Variants in NCAPD3 observed in about 807,000 individuals in gnomAD.
The protein encoded by NCAPD3 is condensin-2 complex subunit D3.
A neutral mutation model predicts 182.9 loss-of-function variants in NCAPD3; 105 were observed. The ratio of observed to expected loss-of-function variants is 0.57; its 90% CI spans 0.49 to 0.68. The LOEUF (loss-of-function observed/expected upper bound fraction) is 0.68. Among genes scored for constraint, NCAPD3 ranks in the 30% least tolerant of loss-of-function variants. The pLI, the probability that NCAPD3 is intolerant of heterozygous loss-of-function variation, is 0.00. For synonymous variants in NCAPD3, 815 were observed against 679.9 expected, an observed-to-expected ratio of 1.20 and a Z score of -3.09; for missense variants, 1,944 against 1,837.0, an observed-to-expected ratio of 1.06 and a Z score of -1.07.
At chr11:134,211,077 TCA>T (rs771772727) in intron 3 of NCAPD3, among the ~76,000 whole-genome samples, 2 of 152,162 alleles carry the variant, frequency 1.3e-5, no homozygotes, top group African/African-American at 2.4e-5. Flanking sequence ...TTTTCACAAC[TCA>T]CACAAGGCTC....
chr11:134,180,126 T>C (rs1944262908), intron 20 of NCAPD3, among the ~76,000 whole-genome samples: 1 of 152,084 alleles, frequency 6.6e-6, no homozygotes, highest in Admixed American at 6.5e-5. Context: ...CTAGAAGCCC[T>C]GGGCCAAGCC....
At chr11:134,157,116 C>A in intron 31 of NCAPD3, 21 bp from the exon 32 acceptor site, 1 of 1,592,838 alleles carries the variant, frequency 6.3e-7, no homozygotes, top group Non-Finnish European at 8.6e-7. Flanking sequence ...AAAGGTGCTG[C>A]TATCCAGAAA....
intron 19 of NCAPD3, among the ~76,000 whole-genome samples, chr11:134,182,504 T>C (rs767284298): frequency 2.0e-5 from 3 of 152,230 alleles, no homozygotes; most frequent in Non-Finnish European, 4.4e-5. Flanking sequence ...TCCAGGCCCT[T>C]CTGCAGTTCC....
chr11:134,162,656 A>T (rs1334244448), intron 27 of NCAPD3, among the ~76,000 whole-genome samples: 1 of 152,236 alleles, frequency 6.6e-6, no homozygotes, highest in Admixed American at 6.5e-5. Context: ...AAGGACAACA[A>T]GTAGAGAAAT....
chr11:134,218,651 C>T (rs1352818921), intron 2 of NCAPD3, among the ~76,000 whole-genome samples: 1 of 152,144 alleles, frequency 6.6e-6, no homozygotes, highest in Non-Finnish European at 1.5e-5. Context: ...TCCCTATGCC[C>T]AGTCAGTTTA....
At chr11:134,167,337 C>G (rs1444276770) in intron 27 of NCAPD3, among the ~76,000 whole-genome samples, 13 of 49,390 alleles carry the variant, frequency 2.6e-4, no homozygotes, top group East Asian at 8.0e-4. Context: ...CTGGGGGAGG[C>G]GCACACTCGT....
At chr11:134,164,382 G>C (rs1055601231) in intron 27 of NCAPD3, among the ~76,000 whole-genome samples, 2 of 152,244 alleles carry the variant, frequency 1.3e-5, no homozygotes, top group African/African-American at 4.8e-5. Flanking sequence ...AGGGGGACCT[G>C]AGCTCAGGCT....
rs1471669439 is a variant in NCAPD3, at chr11:134,188,874, A to G, written c.2046-3348T>C. Among the ~76,000 whole-genome samples, 4 of 152,214 alleles carry G rather than the reference A, an allele frequency of 2.6e-5. No individual in the cohort carries two copies. The East Asian group carries it at 7.7e-4, about 29-fold the overall frequency. On this transcript the variant is annotated intron_variant, in intron 16 of 34. Coordinates refer to ENST00000534548, the MANE Select transcript of NCAPD3 (RefSeq NM_015261.3). ...TCCTTATAAGAAGAAATGCGGACAC[A>G]GAATGAGACACCAGGGATGTGCATG...
chr11:134,157,642 G>A (rs1460213318), intron 31 of NCAPD3, among the ~76,000 whole-genome samples: 1 of 152,160 alleles, frequency 6.6e-6, no homozygotes, highest in Non-Finnish European at 1.5e-5. Flanking sequence ...TGCACGCACA[G>A]ATCACAATTC....
chr11:134,191,913 G>A (rs1944532666), intron 16 of NCAPD3, among the ~76,000 whole-genome samples: 1 of 152,242 alleles, frequency 6.6e-6, no homozygotes, highest in Non-Finnish European at 1.5e-5. Flanking sequence ...CAGACTGTAT[G>A]CTGTGAGCCT....
At chr11:134,162,183 C>A (rs865849512) in intron 27 of NCAPD3, among the ~76,000 whole-genome samples, 3 of 152,156 alleles carry the variant, frequency 2.0e-5, no homozygotes, top group South Asian at 4.1e-4. Context: ...ACAAAAGCCC[C>A]AAATCTCCAC....
At chr11:134,156,033 A>G (rs1324387312) in intron 32 of NCAPD3, among the ~76,000 whole-genome samples, 1 of 152,212 alleles carries the variant, frequency 6.6e-6, no homozygotes, top group Non-Finnish European at 1.5e-5. Context: ...GACTAAACGA[A>G]CGGCAGGACA....
In NCAPD3 at chr11:134,215,302, C is replaced by T. The variant is rs114593528; in HGVS notation, c.382+1634G>A. 4.2e-3 allele frequency among the ~76,000 whole-genome samples: 636 copies of T among 152,272 alleles called. 4 individuals carry two copies. The highest frequency in any genetic ancestry group is 0.015 in the African/African-American group (609 of 41,574). On this transcript the variant is annotated intron_variant, in intron 3 of 34. Coordinates refer to ENST00000534548, the MANE Select transcript of NCAPD3 (RefSeq NM_015261.3). ...CCCCACGCTCCCCTTCTATTCAACA[C>T]TGTACTGGAGGTTCTAGCCAGGGCA... is the stretch of plus-strand genomic sequence containing the variant.
chr11:134,166,812 T>C (rs1274984649), intron 27 of NCAPD3, among the ~76,000 whole-genome samples: 4 of 51,960 alleles, frequency 7.7e-5, no homozygotes, highest in African/African-American at 1.8e-4. Context: ...TTAGGGGAGC[T>C]GCACACTCAC....
chr11:134,154,703 T>C (rs1292219651), intron 32 of NCAPD3, among the ~76,000 whole-genome samples: 1 of 152,238 alleles, frequency 6.6e-6, no homozygotes, highest in Non-Finnish European at 1.5e-5. Context: ...AGCTGCTTGC[T>C]GGTACCACTG....
chr11:134,203,751 C>G lies in NCAPD3; in HGVS notation c.1371G>C (p.Ala457=), dbSNP rs773668515. The stretch of plus-strand genomic sequence containing the variant: ...ACAGTGCCTTGCTGCGGACAGTAGG[C>G]GCCTTGTCTAAGCAACGATCAAACA... ...EIMFDRCLDK[A]PTVRSKALSS... Residue 457 remains alanine, a synonymous_variant, in exon 11 of 35, where the codon GCG becomes GCC. Transcript: ENST00000534548. 1.9e-6 allele frequency: 3 copies of G among 1,614,114 alleles called. No homozygotes were observed. The highest frequency in any genetic ancestry group is 1.1e-5 in the South Asian group (1 of 91,088).
intron 2 of NCAPD3, 72 bp from the exon 3 acceptor site, chr11:134,217,170 G>C: frequency 1.4e-6 from 2 of 1,411,342 alleles, no homozygotes; most frequent in Non-Finnish European, 1.9e-6. Context: ...TTTGATTTTT[G>C]TAAGTTCTTG....
At chr11:134,177,128 A>G in intron 23 of NCAPD3, 91 bp downstream of exon 23, 2 of 1,034,476 alleles carry the variant, frequency 1.9e-6, no homozygotes, top group East Asian at 4.8e-5. Context: ...ATTCTACTAC[A>G]AAGCAAGCAC....
chr11:134,170,082 C>T (rs1943970424), intron 24 of NCAPD3, among the ~76,000 whole-genome samples: 1 of 152,122 alleles, frequency 6.6e-6, no homozygotes, highest in Non-Finnish European at 1.5e-5. Context: ...AGTTTGTGTT[C>T]ACAGCACACA....
Sources: allele counts gnomAD v4.1 joint callset (sites outside exome capture counted in the v4.1 genomes callset), GRCh38; gene constraint gnomAD v4.1.1; transcripts MANE v1.5; gene names NCBI Gene and HGNC (gene_info 2026-07-23, HGNC 2026-07-21).